Variants in TBC1D16 observed in about 807,000 individuals in gnomAD.
The protein encoded by TBC1D16 is CTD-2529O21.1.
TBC1D16 carries 58 observed loss-of-function variants against 74.7 expected under a neutral mutation model. That is an observed-to-expected ratio of 0.78 (90% CI 0.63 to 0.97). The LOEUF is 0.97. Among genes scored for constraint, TBC1D16 ranks in the 50% least tolerant of loss-of-function variants. The pLI is 0.00. For missense variants in TBC1D16, 1,014 were observed against 1,079.5 expected (o/e 0.94, Z 0.85); for synonymous variants, 493 against 474.7 (o/e 1.04, Z -0.50).
chr17:80,014,296 G>A (rs1361342650), intron 1 of TBC1D16, among the ~76,000 whole-genome samples: 1 of 152,134 alleles, frequency 6.6e-6, no homozygotes, highest in African/African-American at 2.4e-5. Flanking sequence ...GGCGGAGGGT[G>A]CAGTGAGCTG....
At position 79,996,897 on chromosome 17, in the gene TBC1D16, G is replaced by A. The variant is rs530005119; in HGVS notation, c.779+13263C>T. ...CAGTCGCCCCTGAATGGGAAGCCATGGTTCATGTCCATCAGTCCGTGAGCG... is the reference window on the plus strand; with the variant it reads ...CAGTCGCCCCTGAATGGGAAGCCATAGTTCATGTCCATCAGTCCGTGAGCG... On this transcript the variant is annotated intron_variant, in intron 3 of 11. Transcript: ENST00000310924. Among the ~76,000 whole-genome samples the A allele has an allele frequency of 1.4e-4, 22 of 152,324 alleles. No individual in the cohort carries two copies. In the South Asian group the frequency reaches 4.6e-3, roughly 32 times the overall value.
Position 79,983,704 on chromosome 17 carries a change from G to C in TBC1D16, c.779+26456C>G, listed in dbSNP as rs1391835201. ...TGGTTCCTTCTGGAGACCGGGGCAC[G>C]GAACGACCAGACTGGGGAGGAAGGA... is the stretch of plus-strand genomic sequence containing the variant. On this transcript the variant is annotated intron_variant, in intron 3 of 11. Coordinates refer to ENST00000310924, the MANE Select transcript of TBC1D16 (RefSeq NM_019020.4). The surrounding 1 kb of genome is among the most constrained non-coding windows in gnomAD (Gnocchi z 5.6). 1.3e-5 allele frequency among the ~76,000 whole-genome samples: 2 copies of C among 152,168 alleles called. No homozygotes were observed. The highest frequency in any genetic ancestry group is 2.1e-4 in the South Asian group (1 of 4,836).
At chr17:79,959,438 AAAG>A (rs2033493511) in intron 3 of TBC1D16, among the ~76,000 whole-genome samples, 2 of 152,214 alleles carry the variant, frequency 1.3e-5, no homozygotes, top group South Asian at 2.1e-4. Flanking sequence ...CGACTATAAA[AAAG>A]AAGAACAAAG....
intron 3 of TBC1D16, among the ~76,000 whole-genome samples, chr17:79,974,678 C>T (rs761271555): frequency 5.1e-4 from 78 of 152,270 alleles, no homozygotes; most frequent in Middle Eastern, 3.4e-3. Flanking sequence ...TTGGCTTCCT[C>T]CACCCTAAAG....
chr17:79,984,214 G>A (rs2034718924), intron 3 of TBC1D16, among the ~76,000 whole-genome samples: 1 of 152,052 alleles, frequency 6.6e-6, no homozygotes, highest in Admixed American at 6.6e-5. Flanking sequence ...TTGTAAAGAT[G>A]GGATCTCACA....
chr17:80,013,975 C>A (rs895263485), intron 1 of TBC1D16, among the ~76,000 whole-genome samples: 2 of 152,104 alleles, frequency 1.3e-5, no homozygotes, highest in African/African-American at 4.8e-5. Context: ...AAAACCTCCA[C>A]AAAAACGTTT....
intron 3 of TBC1D16, among the ~76,000 whole-genome samples, chr17:80,006,191 TCTCTCTCG>T (rs1231675171): frequency 3.3e-5 from 5 of 151,874 alleles, no homozygotes; most frequent in East Asian, 3.9e-4. Flanking sequence ...GCGCTCTCGC[TCTCTCTCG>T]CTCTCTCGCT....
rs565435123 is a variant in TBC1D16 at position 79,985,306 on chromosome 17, T to A, written c.779+24854A>T. On this transcript the variant is annotated intron_variant, in intron 3 of 11. Transcript: ENST00000310924. This position sits in a 1 kb window ranked among gnomAD's most constrained non-coding sequence, Gnocchi z 4.9. ...TCCAGGAAGACCTCAACTGGATCCTTCCCTTGATCCCATCAGCAAAGACCC... is the reference window on the plus strand; with the variant it reads ...TCCAGGAAGACCTCAACTGGATCCTACCCTTGATCCCATCAGCAAAGACCC... 2.2e-4 allele frequency among the ~76,000 whole-genome samples: 34 copies of A among 152,212 alleles called. No homozygotes were observed. Among genetic ancestry groups the A allele is most frequent in the Non-Finnish European group, 4.1e-4 (28 of 68,006 alleles).
At chr17:79,982,697 A>G (rs1275021216) in intron 3 of TBC1D16, among the ~76,000 whole-genome samples, 2 of 151,670 alleles carry the variant, frequency 1.3e-5, no homozygotes, top group Non-Finnish European at 2.9e-5. Flanking sequence ...TACTAAAAAA[A>G]AAAATACAAA....
At position 79,988,750 on chromosome 17, in the gene TBC1D16, GCCC is replaced by G. The variant is rs2034946108; in HGVS notation, c.779+21407_779+21409del. Among the ~76,000 whole-genome samples the G allele has an allele frequency of 1.3e-5, 2 of 152,184 alleles. No homozygotes were observed. The highest frequency in any genetic ancestry group is 2.9e-5 in the Non-Finnish European group (2 of 68,026). Reference sequence around the variant, plus strand: ...TCAACCTCAAAGCAAAACTTAGAAGGCCCCTGCTTGTTTTATCAGTTAGAGCCA... The same window carrying G: ...TCAACCTCAAAGCAAAACTTAGAAGGCTGCTTGTTTTATCAGTTAGAGCCA... On this transcript the variant is annotated intron_variant, in intron 3 of 11. Coordinates refer to ENST00000310924, the MANE Select transcript of TBC1D16 (RefSeq NM_019020.4). This position sits in a 1 kb window ranked among gnomAD's most constrained non-coding sequence, Gnocchi z 5.7.
chr17:80,033,191 A>G (rs550937045), intron 1 of TBC1D16, among the ~76,000 whole-genome samples: 6 of 152,324 alleles, frequency 3.9e-5, no homozygotes, highest in African/African-American at 1.4e-4. Context: ...TTACCATTTG[A>G]CATTACTTAC....
At chr17:80,004,302 A>G (rs2035596288) in intron 3 of TBC1D16, among the ~76,000 whole-genome samples, 1 of 152,218 alleles carries the variant, frequency 6.6e-6, no homozygotes, top group Non-Finnish European at 1.5e-5. Context: ...TGCAACGGGC[A>G]GAATCATAAC....
chr17:80,017,137 C>T (rs2036115558), intron 1 of TBC1D16, among the ~76,000 whole-genome samples: 1 of 152,086 alleles, frequency 6.6e-6, no homozygotes, highest in African/African-American at 2.4e-5. Context: ...AGAAAGTCGA[C>T]CCCTTGGTGC....
chr17:80,010,316 TC>T lies in TBC1D16; in HGVS notation c.622del (p.Glu208ArgfsTer13), dbSNP rs752651938. On this transcript the variant is annotated frameshift_variant, in exon 3 of 12. Transcript: ENST00000310924. LOFTEE classifies it high-confidence loss of function. This position sits in a 1 kb window ranked among gnomAD's most constrained non-coding sequence, Gnocchi z 8.8. ...EGREPRPEAGEEDGSLELSAE... is the reference protein window; with the variant it reads ...EGREPRPEAGXEDGSLELSAE... ...TGACAGTTCCAAAGAGCCATCCTCCTCCCCGGCCTCGGGCCGCGGCTCCCGC... is the reference window on the plus strand; with the variant it reads ...TGACAGTTCCAAAGAGCCATCCTCCTCCCGGCCTCGGGCCGCGGCTCCCGC... 6.2e-7 allele frequency: 1 copy of T among 1,609,466 alleles called. No homozygotes were observed. Among genetic ancestry groups the T allele is most frequent in the Non-Finnish European group, 8.5e-7 (1 of 1,178,094 alleles).
At chr17:79,953,317 G>A (rs781391249) in intron 3 of TBC1D16, among the ~76,000 whole-genome samples, 16 of 152,302 alleles carry the variant, frequency 1.1e-4, no homozygotes, top group Non-Finnish European at 1.6e-4. Context: ...AAAAGTACTG[G>A]TTCAGTTTAT....
intron 3 of TBC1D16, among the ~76,000 whole-genome samples, chr17:79,995,424 A>G (rs1437013973): frequency 1.3e-5 from 2 of 152,120 alleles, no homozygotes; most frequent in Non-Finnish European, 2.9e-5. Flanking sequence ...GTCATTGCAC[A>G]TCCATAGGCA....
chr17:80,007,791 G>C lies in TBC1D16; in HGVS notation c.779+2369C>G, dbSNP rs1157461065. 6.6e-6 allele frequency among the ~76,000 whole-genome samples: 1 copy of C among 152,154 alleles called. No homozygotes were observed. The highest frequency in any genetic ancestry group is 1.5e-5 in the Non-Finnish European group (1 of 68,024). ...AAGATCTAGAGGCAGAGAGGACGAC[G>C]AACTTGGAGGTGTGCACAGTGGGGG... On this transcript the variant is annotated intron_variant, in intron 3 of 11. Coordinates refer to ENST00000310924, the MANE Select transcript of TBC1D16 (RefSeq NM_019020.4). The surrounding 1 kb of genome is among the most constrained non-coding windows in gnomAD (Gnocchi z 4.5).
At chr17:80,015,967 C>T (rs575479097) in intron 1 of TBC1D16, among the ~76,000 whole-genome samples, 6 of 142,342 alleles carry the variant, frequency 4.2e-5, no homozygotes, top group East Asian at 4.2e-4. Context: ...GCCGAGATCA[C>T]GCCACTGCAC....
chr17:79,998,772 C>T (rs1598406978), intron 3 of TBC1D16, among the ~76,000 whole-genome samples: 1 of 152,140 alleles, frequency 6.6e-6, no homozygotes. Flanking sequence ...GTTCGCACAT[C>T]CACCCACCAC....
Sources: gnomAD v4.1 joint callset for allele counts (sites outside exome capture counted in the v4.1 genomes callset) on GRCh38, gnomAD v4.1.1 for gene constraint, Gnocchi (gnomAD v3.1) non-coding constraint, MANE v1.5 for transcripts, NCBI Gene and HGNC (gene_info 2026-07-23, HGNC 2026-07-21) for gene names.